Variants in KNTC1 observed in about 807,000 individuals in gnomAD.
The protein encoded by KNTC1 is kinetochore associated 1.
A neutral mutation model predicts 314.4 loss-of-function variants in KNTC1; 253 were observed. That is an observed-to-expected ratio of 0.80 (90% CI 0.73 to 0.89). The LOEUF is 0.89. KNTC1 is among the 40% of genes least tolerant of loss of function. The probability of loss-of-function intolerance (pLI) is 0.00; values close to 1 mark genes in which losing one functional copy is unlikely to be tolerated. For synonymous variants in KNTC1, 901 were observed against 901.4 expected, an observed-to-expected ratio of 1.00 and a Z score of 0.01; for missense variants, 2,475 against 2,572.9, an observed-to-expected ratio of 0.96 and a Z score of 0.82.
chr12:122,561,323 AAAT>A (rs930736628), intron 18 of KNTC1, among the ~76,000 whole-genome samples: 3 of 151,854 alleles, frequency 2.0e-5, no homozygotes, highest in Admixed American at 1.3e-4. Context: ...TCAAAAAAAA[AAAT>A]AATAATAATA....
chr12:122,538,217 T>C (rs1299241823), intron 3 of KNTC1, 122 bp from the exon 4 acceptor site: 24 of 609,936 alleles, frequency 3.9e-5, no homozygotes, highest in Non-Finnish European at 7.1e-5. Context: ...CACATCTGTT[T>C]TGCAGTATTT....
In KNTC1 at chr12:122,601,569, G is replaced by A. The variant is rs1454217351; in HGVS notation, c.4597G>A (p.Val1533Ile). ...DPYDYEMIEVVLKVIERADEK... is the reference protein window; with the variant it reads ...DPYDYEMIEVILKVIERADEK... ...TTATGACTATGAAATGATTGAAGTT[G>A]TCTTGAAAGTTATAGAACGAGCTGA... Residue 1533 changes from valine (V) to isoleucine (I), a missense_variant, in exon 45 of 64, where the codon GTC becomes ATC. By Grantham distance (29) the Val-to-Ile change is conservative. Transcript: ENST00000333479. 4 of 1,537,560 alleles carry A rather than the reference G, an allele frequency of 2.6e-6. No homozygotes were observed. In the Admixed American group the frequency reaches 8.3e-5, roughly 32 times the overall value.
At chr12:122,561,215 T>G (rs1963945907) in intron 18 of KNTC1, among the ~76,000 whole-genome samples, 1 of 151,674 alleles carries the variant, frequency 6.6e-6, no homozygotes, top group African/African-American at 2.4e-5. Context: ...CTTGGAAGGC[T>G]GAGGCAGGAG....
chr12:122,581,057 AGCCTT>A (rs990644974), intron 33 of KNTC1, among the ~76,000 whole-genome samples: 2 of 151,160 alleles, frequency 1.3e-5, no homozygotes, highest in Non-Finnish European at 2.9e-5. Flanking sequence ...TTTTTGCACT[AGCCTT>A]TAGGGACTGG....
chr12:122,566,237 G>A (rs989586790), intron 20 of KNTC1, among the ~76,000 whole-genome samples: 5 of 151,086 alleles, frequency 3.3e-5, no homozygotes, highest in South Asian at 4.2e-4. Flanking sequence ...CACTGCGCCC[G>A]GCCTAAATCT....
At position 122,621,947 on chromosome 12, in the gene KNTC1, C is replaced by G; in HGVS notation, c.6346C>G (p.Gln2116Glu). 1 of 1,608,196 alleles carries G rather than the reference C, an allele frequency of 6.2e-7. No individual in the cohort carries two copies. The highest frequency in any genetic ancestry group is 8.5e-7 in the Non-Finnish European group (1 of 1,177,038). ...KQLEEHMNTG[Q>E]LAGFSHQIRS... ...ATTGGAAGAGCATATGAACACGGGC[C>G]AGCTAGCAGGATTTTCACATCAAGT... The change falls in exon 61 of 64, where the codon CAG becomes GAG. Residue 2116 changes from glutamine to glutamate, a missense_variant. By Grantham distance (29) the Gln-to-Glu change is conservative. Coordinates refer to ENST00000333479, the MANE Select transcript of KNTC1 (RefSeq NM_014708.6).
chr12:122,569,590 TA>T, intron 21 of KNTC1, 90 bp from the exon 22 acceptor site: 1 of 1,166,230 alleles, frequency 8.6e-7, no homozygotes, highest in Non-Finnish European at 1.2e-6. Context: ...GGCTACTCCT[TA>T]AAATGACTTC....
Position 122,615,086 on chromosome 12 carries a change from GGTAA to G in KNTC1, c.5973+6_5973+9del. ...TGCAAAAGCTTCTGGGCTTCAATAT[GGTAA>G]GTAAGACTCAATGCCCTCGACTAAG... On this transcript the variant is annotated splice_donor_variant and splice_donor_region_variant and intron_variant, in intron 56 of 63. Transcript: ENST00000333479. LOFTEE classifies it high-confidence loss of function. 1 of 1,605,720 alleles carries G rather than the reference GGTAA, an allele frequency of 6.2e-7. No homozygotes were observed. Among genetic ancestry groups the G allele is most frequent in the African/African-American group, 1.3e-5 (1 of 74,852 alleles).
chr12:122,581,198 A>ATT (rs34152519), intron 33 of KNTC1, among the ~76,000 whole-genome samples: 58 of 135,248 alleles, frequency 4.3e-4, no homozygotes, highest in East Asian at 8.9e-4. Context: ...TGTGTTATTA[A>ATT]TTTTTTTTTT....
At chr12:122,539,245 G>A (rs929754784) in intron 4 of KNTC1, among the ~76,000 whole-genome samples, 1 of 152,174 alleles carries the variant, frequency 6.6e-6, no homozygotes, top group Non-Finnish European at 1.5e-5. Context: ...AGGAGGGAAT[G>A]CCCAGACATA....
At chr12:122,600,098 T>G (rs1871646012) in intron 44 of KNTC1, among the ~76,000 whole-genome samples, 3 of 152,004 alleles carry the variant, frequency 2.0e-5, no homozygotes, top group Admixed American at 1.3e-4. Context: ...TGTTTTTGTT[T>G]TTGTTGTTGT....
At chr12:122,548,398 T>C (rs1962946319) in intron 12 of KNTC1, among the ~76,000 whole-genome samples, 1 of 151,866 alleles carries the variant, frequency 6.6e-6, no homozygotes, top group Non-Finnish European at 1.5e-5. Context: ...TTAGTAGAGA[T>C]GGGGTTTCAC....
intron 40 of KNTC1, among the ~76,000 whole-genome samples, chr12:122,589,589 C>G (rs1178647788): frequency 1.3e-5 from 2 of 151,234 alleles, no homozygotes; most frequent in Non-Finnish European, 2.9e-5. Context: ...TCCTGCTGCT[C>G]AGCCTCCTGA....
chr12:122,579,310 T>C (rs7307546), intron 31 of KNTC1, among the ~76,000 whole-genome samples: 67,982 of 149,212 alleles, frequency 0.46, 17,985 homozygotes, highest in African/African-American at 0.76. Flanking sequence ...GTGATCCGCC[T>C]GCCTCGGCCT....
At chr12:122,534,819 T>G in intron 3 of KNTC1, 35 bp downstream of exon 3, 1 of 1,596,514 alleles carries the variant, frequency 6.3e-7, no homozygotes, top group Non-Finnish European at 8.6e-7. Flanking sequence ...TAAGATAAAT[T>G]GGAAGTCAAA....
intron 7 of KNTC1, among the ~76,000 whole-genome samples, chr12:122,543,900 T>G (rs921074528): frequency 6.6e-6 from 1 of 151,930 alleles, no homozygotes; most frequent in Non-Finnish European, 1.5e-5. Context: ...AAATACAAAA[T>G]TAGCCGGGGG....
intron 18 of KNTC1, 56 bp from the exon 19 acceptor site, chr12:122,561,865 T>C (rs1565957594): frequency 1.4e-6 from 2 of 1,407,546 alleles, no homozygotes; most frequent in Non-Finnish European, 1.9e-6. Flanking sequence ...AATCCATCAT[T>C]TAGGAAATAA....
At position 122,585,311 on chromosome 12, in the gene KNTC1, G is replaced by A. The variant is rs1243296847; in HGVS notation, c.3534+321G>A. 3.9e-5 allele frequency among the ~76,000 whole-genome samples: 6 copies of A among 151,964 alleles called. No homozygotes were observed. The East Asian group carries it at 7.7e-4, about 20-fold the overall frequency. On this transcript the variant is annotated intron_variant, in intron 36 of 63. Transcript: ENST00000333479. ...CCCACCTCAGCCTCTCAAAGTGCTC[G>A]GATTACAGGCATGAGCCACTGCACC...
chr12:122,534,610 TATTAAACAC>T, intron 2 of KNTC1, 45 bp from the exon 3 acceptor site: 1 of 1,509,222 alleles, frequency 6.6e-7, no homozygotes, highest in Non-Finnish European at 9.0e-7. Context: ...TGATAAGTAT[TATTAAACAC>T]ATATAAAAAT....
Sources: gnomAD v4.1 joint callset for allele counts (sites outside exome capture counted in the v4.1 genomes callset) on GRCh38, gnomAD v4.1.1 for gene constraint, MANE v1.5 for transcripts, NCBI Gene and HGNC (gene_info 2026-07-23, HGNC 2026-07-21) for gene names.